Variants in NIPSNAP1 observed in about 807,000 individuals in gnomAD.
The protein encoded by NIPSNAP1 is nipsnap homolog 1, also known as protein NipSnap homolog 1.
In NIPSNAP1, 25 loss-of-function variants were observed where a neutral mutation model predicts 49.2. The observed-to-expected ratio is 0.51, with a 90% confidence interval of 0.37 to 0.71. NIPSNAP1 has a LOEUF of 0.71. Among genes scored for constraint, NIPSNAP1 ranks in the 30% least tolerant of loss-of-function variants. NIPSNAP1 has a pLI of 0.00. For synonymous variants in NIPSNAP1, 143 were observed against 140.7 expected, an observed-to-expected ratio of 1.02 and a Z score of -0.12; for missense variants, 294 against 361.0, an observed-to-expected ratio of 0.81 and a Z score of 1.50.
intron 4 of NIPSNAP1, among the ~76,000 whole-genome samples, chr22:29,565,037 C>CAAACA (rs1412669670): frequency 3.3e-5 from 5 of 151,588 alleles, no homozygotes; most frequent in South Asian, 2.1e-4. Flanking sequence ...AACAAACAAA[C>CAAACA]AAACAAAACA....
chr22:29,574,261 C>T (rs1365044735), intron 1 of NIPSNAP1, among the ~76,000 whole-genome samples: 1 of 36,698 alleles, frequency 2.7e-5, no homozygotes, highest in Non-Finnish European at 4.8e-5. Flanking sequence ...TCCATCTTCA[C>T]AAAAAAAAAA....
chr22:29,576,645 G>A (rs888552097), intron 1 of NIPSNAP1, among the ~76,000 whole-genome samples: 6 of 151,442 alleles, frequency 4.0e-5, no homozygotes, highest in African/African-American at 1.5e-4. Flanking sequence ...TAGACCTTAG[G>A]CTGGGCGTGG....
At chr22:29,579,625 C>T (rs1157417076) in intron 1 of NIPSNAP1, 2 of 165,334 alleles carry the variant, frequency 1.2e-5, no homozygotes, top group South Asian at 1.6e-4. Flanking sequence ...GACAGGATCT[C>T]GCCGTGTTGC....
chr22:29,573,768 C>CAAAAAAAA (rs695672), intron 1 of NIPSNAP1, among the ~76,000 whole-genome samples: 2 of 125,106 alleles, frequency 1.6e-5, no homozygotes, highest in Admixed American at 8.5e-5. Flanking sequence ...AACTCTGTCT[C>CAAAAAAAA]AAAAAAAAAA....
At chr22:29,566,464 G>A (rs886772159) in intron 4 of NIPSNAP1, among the ~76,000 whole-genome samples, 4 of 151,992 alleles carry the variant, frequency 2.6e-5, no homozygotes, top group African/African-American at 4.8e-5. Flanking sequence ...GACTACAGGT[G>A]AGCACCTTGG....
At chr22:29,575,801 G>A (rs1422885135) in intron 1 of NIPSNAP1, among the ~76,000 whole-genome samples, 6 of 146,514 alleles carry the variant, frequency 4.1e-5, no homozygotes, top group Middle Eastern at 3.7e-3. Flanking sequence ...TGCAACCTCC[G>A]CCTCCCAGGT....
In NIPSNAP1 at chr22:29,569,213, TACC is replaced by T. The variant is rs2064388872; in HGVS notation, c.344_346del (p.Trp115del). On this transcript the variant is annotated inframe_deletion, in exon 4 of 10. Transcript: ENST00000216121. The stretch of plus-strand genomic sequence containing the variant: ...CTTACCTGCCTGGTCCTGCTCCCCA[TACC>T]ACGTGTTCCAGTTGCCCACGAGTGA... 6.2e-7 allele frequency: 1 copy of T among 1,614,026 alleles called. No individual in the cohort carries two copies. The highest frequency in any genetic ancestry group is 1.3e-5 in the African/African-American group (1 of 75,022).
chr22:29,569,219 G>A lies in NIPSNAP1; in HGVS notation c.341C>T (p.Thr114Met), dbSNP rs774032536. Residue 114 changes from threonine (T) to methionine (M), a missense_variant, in exon 4 of 10, where the codon ACG (threonine) becomes ATG (methionine). By Grantham distance (81) the Thr-to-Met change is moderately conservative. This residue lies in a region of NIPSNAP1 where 146 missense variants were observed against 219.9 expected (regional missense o/e 0.66). Coordinates refer to ENST00000216121, the MANE Select transcript of NIPSNAP1 (RefSeq NM_003634.4). Reference sequence around the variant, plus strand: ...TGCCTGGTCCTGCTCCCCATACCACGTGTTCCAGTTGCCCACGAGTGAGCA... The same window carrying A: ...TGCCTGGTCCTGCTCCCCATACCACATGTTCCAGTTGCCCACGAGTGAGCA... Reference protein sequence around the residue: ...YPCSLVGNWNTWYGEQDQAVH... With the variant: ...YPCSLVGNWNMWYGEQDQAVH... The A allele has an allele frequency of 2.0e-5, 32 of 1,614,078 alleles. No individual in the cohort carries two copies. Among genetic ancestry groups the A allele is most frequent in the South Asian group, 3.3e-5 (3 of 91,072 alleles).
At chr22:29,579,359 G>C (rs577367324) in intron 1 of NIPSNAP1, among the ~76,000 whole-genome samples, 1 of 142,714 alleles carries the variant, frequency 7.0e-6, no homozygotes, top group South Asian at 2.2e-4. Flanking sequence ...TGCAGTGGCA[G>C]GATCTCGGCT....
At chr22:29,578,963 T>G (rs1449872453) in intron 1 of NIPSNAP1, among the ~76,000 whole-genome samples, 2 of 151,344 alleles carry the variant, frequency 1.3e-5, no homozygotes, top group African/African-American at 4.9e-5. Flanking sequence ...CAGAGCCCTT[T>G]GAGCCTCAAC....
intron 1 of NIPSNAP1, among the ~76,000 whole-genome samples, chr22:29,574,809 A>T (rs1374050053): frequency 6.6e-6 from 1 of 150,948 alleles, no homozygotes; most frequent in Non-Finnish European, 1.5e-5. Context: ...GACAATTATC[A>T]TTAGATGGGT....
At chr22:29,576,748 AC>A (rs1486434489) in intron 1 of NIPSNAP1, among the ~76,000 whole-genome samples, 1 of 151,156 alleles carries the variant, frequency 6.6e-6, no homozygotes, top group African/African-American at 2.5e-5. Context: ...AGATGGTGAA[AC>A]CCCGTCTGTA....
At chr22:29,562,253 A>C (rs907718658) in intron 4 of NIPSNAP1, among the ~76,000 whole-genome samples, 2 of 152,200 alleles carry the variant, frequency 1.3e-5, no homozygotes, top group African/African-American at 4.8e-5. Flanking sequence ...AGCTGAACAA[A>C]AGAACAGGGG....
At chr22:29,563,781 G>A (rs986185651) in intron 4 of NIPSNAP1, among the ~76,000 whole-genome samples, 1 of 152,138 alleles carries the variant, frequency 6.6e-6, no homozygotes, top group African/African-American at 2.4e-5. Flanking sequence ...CACACAGAGA[G>A]AACAGCATGT....
intron 8 of NIPSNAP1, 130 bp downstream of exon 8, chr22:29,560,604 T>C (rs1289979558): frequency 7.6e-6 from 6 of 793,824 alleles, no homozygotes; most frequent in Non-Finnish European, 1.3e-5. Flanking sequence ...TTTGTGACTT[T>C]ACATCTAAGA....
At chr22:29,578,735 C>A (rs969918528) in intron 1 of NIPSNAP1, among the ~76,000 whole-genome samples, 2 of 151,282 alleles carry the variant, frequency 1.3e-5, no homozygotes, top group Admixed American at 6.6e-5. Context: ...ACACCAACAT[C>A]CCCACTTTAC....
At chr22:29,564,910 G>A (rs2064359023) in intron 4 of NIPSNAP1, among the ~76,000 whole-genome samples, 1 of 152,126 alleles carries the variant, frequency 6.6e-6, no homozygotes, top group Non-Finnish European at 1.5e-5. Context: ...GATCAGCCAG[G>A]CGCAGTGGCT....
intron 1 of NIPSNAP1, 87 bp from the exon 2 acceptor site, chr22:29,570,619 C>A: frequency 1.3e-6 from 2 of 1,524,174 alleles, no homozygotes; most frequent in Admixed American, 2.0e-5. Flanking sequence ...CTCCCCTAGA[C>A]CAGTGACCCA....
intron 1 of NIPSNAP1, among the ~76,000 whole-genome samples, chr22:29,578,737 C>G (rs1000093507): frequency 6.6e-6 from 1 of 151,300 alleles, no homozygotes. Context: ...ACCAACATCC[C>G]CACTTTACAG....
Sources: allele counts gnomAD v4.1 joint callset (sites outside exome capture counted in the v4.1 genomes callset), GRCh38; gene constraint gnomAD v4.1.1; regional missense constraint gnomAD v4.1.1; transcripts MANE v1.5; gene names NCBI Gene and HGNC (gene_info 2026-07-23, HGNC 2026-07-21).